Variants in B9D1 observed in about 807,000 individuals in gnomAD.
B9D1 encodes B9 domain containing 1.
A neutral mutation model predicts 26.1 loss-of-function variants in B9D1; 20 were observed. The observed-to-expected ratio is 0.77, with a 90% CI of 0.54 to 1.12. B9D1 has a LOEUF of 1.12. Ranked by LOEUF, B9D1 falls within the 50% of genes most tolerant of loss-of-function variation. B9D1 has a pLI of 0.00. For synonymous variants in B9D1, 105 were observed against 103.1 expected (o/e 1.02, Z -0.11); for missense variants, 260 against 273.7 (o/e 0.95, Z 0.35).
At chr17:19,343,129 G>A (rs549042881), downstream of B9D1, 60 of 1,430,580 alleles carry the variant, frequency 4.2e-5, no homozygotes, top group Non-Finnish European at 5.1e-5. Flanking sequence ...CCCAGCTCCT[G>A]TGGGGGAGGG....
At chr17:19,350,007 G>A (rs1909375949) in intron 3 of B9D1, among the ~76,000 whole-genome samples, 1 of 152,168 alleles carries the variant, frequency 6.6e-6, no homozygotes, top group African/African-American at 2.4e-5. Context: ...AGCCACTCAG[G>A]AGGCTGAGGC....
upstream of B9D1, among the ~76,000 whole-genome samples, chr17:19,365,630 A>G (rs1032814017): frequency 2.0e-5 from 3 of 152,130 alleles, no homozygotes; most frequent in African/African-American, 7.2e-5. This position sits in a 1 kb window ranked among gnomAD's most constrained non-coding sequence, Gnocchi z 5.0. Context: ...CAGGTCTACC[A>G]TGCATCTCTT....
At chr17:19,375,917 C>G (rs1033183270) in intron 1 of B9D1, among the ~76,000 whole-genome samples, 3 of 152,066 alleles carry the variant, frequency 2.0e-5, no homozygotes, top group African/African-American at 7.2e-5. Flanking sequence ...AAAACATGTC[C>G]ACAAAAAAAC....
chr17:19,340,033 A>ACCCCCCCCC (rs56279237), downstream of B9D1, among the ~76,000 whole-genome samples: 16 of 110,576 alleles, frequency 1.4e-4, no homozygotes, highest in East Asian at 1.0e-3. Context: ...CACATGCCCA[A>ACCCCCCCCC]CCCCCCCCCC....
At position 19,371,187 on chromosome 17, in the gene B9D1, G is replaced by A. The variant is rs142834087; in HGVS notation, c.-298+6672C>T. 140 of 152,702 alleles carry A rather than the reference G, an allele frequency of 9.2e-4. 3 individuals are homozygous for A. Among genetic ancestry groups the A allele is most frequent in the African/African-American group, 3.2e-3 (133 of 41,578 alleles). 9.5% of individuals were successfully genotyped at this position (152,702 alleles called of 1,614,324 possible). On this transcript the variant is annotated intron_variant, in intron 1 of 5. Coordinates refer to the B9D1 transcript ENST00000477478. Reference sequence around the variant, plus strand: ...GGGAGGAGTGTGTGTGTGGCTGTGCGTCCTGTGTGTGGATTTTTGTGTGCA... The same window carrying A: ...GGGAGGAGTGTGTGTGTGGCTGTGCATCCTGTGTGTGGATTTTTGTGTGCA...
In B9D1 at chr17:19,376,527, C is replaced by T. The variant is rs148254141; in HGVS notation, c.-298+1332G>A. 8.8e-3 allele frequency among the ~76,000 whole-genome samples: 1,284 copies of T among 146,578 alleles called. 12 individuals carry two copies. Among genetic ancestry groups the T allele is most frequent in the Admixed American group, 0.015 (209 of 14,062 alleles). ...GTGGCTCACGCCTGTAATCCCAGCA[C>T]TTTGGGAGGCCGGGAGCAGGGGGGC... On this transcript the variant is annotated intron_variant, in intron 1 of 5. Coordinates refer to the B9D1 transcript ENST00000477478.
chr17:19,343,649 C>T, intron 6 of B9D1, 141 bp downstream of exon 6: 1 of 1,592,324 alleles, frequency 6.3e-7, no homozygotes, highest in Non-Finnish European at 8.5e-7. Context: ...GTGCTCCAAC[C>T]AGGCCCTCAT....
At chr17:19,349,951 A>G (rs923392569) in intron 3 of B9D1, among the ~76,000 whole-genome samples, 1 of 152,216 alleles carries the variant, frequency 6.6e-6, no homozygotes, top group African/African-American at 2.4e-5. Flanking sequence ...AAATTGTCCC[A>G]GCACCATTTA....
At chr17:19,368,848 G>A (rs1911732342) in intron 1 of B9D1, among the ~76,000 whole-genome samples, 1 of 152,150 alleles carries the variant, frequency 6.6e-6, no homozygotes, top group African/African-American at 2.4e-5. Flanking sequence ...TTGGGAGGCT[G>A]AGGCGGGAGG....
chr17:19,341,780 C>T (rs1040076102), downstream of B9D1, among the ~76,000 whole-genome samples: 9 of 152,192 alleles, frequency 5.9e-5, no homozygotes, highest in African/African-American at 2.2e-4. Context: ...GAGACCTTGC[C>T]AGGTGAGCAT....
intron 3 of B9D1, among the ~76,000 whole-genome samples, chr17:19,350,510 T>G (rs891734690): frequency 5.3e-5 from 8 of 151,872 alleles, no homozygotes; most frequent in Non-Finnish European, 1.2e-4. Context: ...GCCACTGCAC[T>G]CCAGCCTGGG....
intron 3 of B9D1, among the ~76,000 whole-genome samples, chr17:19,352,699 T>C (rs992188280): frequency 3.2e-4 from 48 of 152,098 alleles, no homozygotes; most frequent in African/African-American, 1.1e-3. Context: ...TTTTGTATTT[T>C]TAGTAGAGAC....
At chr17:19,362,768 G>A (rs1314004287), upstream of B9D1, 8 of 1,471,702 alleles carry the variant, frequency 5.4e-6, no homozygotes, top group Middle Eastern at 5.6e-4. Flanking sequence ...CGGGGCACAA[G>A]GGGCGGGGAT....
At chr17:19,362,057 T>C (rs1911146776) in intron 1 of B9D1, among the ~76,000 whole-genome samples, 1 of 152,222 alleles carries the variant, frequency 6.6e-6, no homozygotes, top group African/African-American at 2.4e-5. Context: ...CTTGGGTCAA[T>C]TCCAGGCCAC....
chr17:19,369,920 A>C (rs896676654), intron 1 of B9D1, among the ~76,000 whole-genome samples: 2 of 152,136 alleles, frequency 1.3e-5, no homozygotes, highest in African/African-American at 4.8e-5. Context: ...TGCCCCGCCA[A>C]ACATGGCCCA....
At chr17:19,337,187 C>T (rs543509789), downstream of B9D1, among the ~76,000 whole-genome samples, 11 of 152,190 alleles carry the variant, frequency 7.2e-5, no homozygotes, top group African/African-American at 2.4e-4. Context: ...CAGCCAACTG[C>T]GTGTTCCTGA....
chr17:19,363,029 G>A (rs1911342354), upstream of B9D1: 2 of 218,276 alleles, frequency 9.2e-6, no homozygotes, highest in Admixed American at 1.1e-4. Flanking sequence ...TCAGCCACTA[G>A]ATGTCGCTGT....
At position 19,347,283 on chromosome 17, in the gene B9D1, C is replaced by T. The variant is rs766456851; in HGVS notation, c.390G>A (p.Leu130=). The change falls in exon 5 of 7, where the codon CTG becomes CTA. Residue 130 remains leucine (L), a synonymous_variant. Transcript: ENST00000261499. This position sits in a 1 kb window ranked among gnomAD's most constrained non-coding sequence, Gnocchi z 4.3. ...PMFVPESTSK[L]QKFTSWFMGR... is the part of the protein sequence containing the mutation. ...ACAAAACTCACCTTGTAAACTTCTG[C>T]AGTTTAGACGTAGATTCTGGGACAA... is the stretch of plus-strand genomic sequence containing the variant. The T allele has an allele frequency of 1.2e-6, 2 of 1,614,224 alleles. No individual in the cohort carries two copies. Among genetic ancestry groups the T allele is most frequent in the South Asian group, 1.1e-5 (1 of 91,088 alleles).
downstream of B9D1, among the ~76,000 whole-genome samples, chr17:19,338,651 C>A (rs1312626998): frequency 6.6e-6 from 1 of 152,196 alleles, no homozygotes; most frequent in Admixed American, 6.5e-5. Context: ...TGGAGCTTGA[C>A]CTCTTGGCAT....
Sources: allele counts gnomAD v4.1 joint callset (sites outside exome capture counted in the v4.1 genomes callset), GRCh38; gene constraint gnomAD v4.1.1; non-coding constraint Gnocchi (gnomAD v3.1); transcripts MANE v1.5; gene names NCBI Gene and HGNC (gene_info 2026-07-23, HGNC 2026-07-21).